LRCH3: variants seen among roughly 807,000 people sequenced by gnomAD.
LRCH3 encodes leucine rich repeats and calponin homology domain containing 3.
In LRCH3, 68 loss-of-function variants were observed where a neutral mutation model predicts 104.5. The observed-to-expected ratio is 0.65, with a 90% CI of 0.54 to 0.80. The LOEUF (loss-of-function observed/expected upper bound fraction) is 0.80, where lower values mean the gene tolerates loss of function less well. Ranked by LOEUF, LRCH3 falls within the 30% of genes least tolerant of loss-of-function variation. The pLI, the probability that LRCH3 is intolerant of heterozygous loss-of-function variation, is 0.00. For synonymous variants in LRCH3, 344 were observed against 361.3 expected (o/e 0.95, Z 0.54); for missense variants, 951 against 953.9 (o/e 1.00, Z 0.04).
At chr3:197,879,574 AG>A (rs1165448649) in intron 20 of LRCH3, among the ~76,000 whole-genome samples, 30 of 151,896 alleles carry the variant, frequency 2.0e-4, no homozygotes, top group Non-Finnish European at 7.4e-5. Context: ...GGAACCCGGG[AG>A]GCGGAGCTTG....
rs545639942 is a variant in LRCH3, at chr3:197,835,572, C to T, written c.1103-102C>T. ...CCCTCCCACTTTCAAAATAGAAAATCATGGGGAAAAGGAAATAAGTAAATG... is the reference window on the plus strand; with the variant it reads ...CCCTCCCACTTTCAAAATAGAAAATTATGGGGAAAAGGAAATAAGTAAATG... On this transcript the variant is annotated intron_variant, in intron 8 of 20. Transcript: ENST00000425562. The T allele has an allele frequency of 8.9e-6, 11 of 1,233,760 alleles. No homozygotes were observed. In the Admixed American group the frequency reaches 2.6e-4, roughly 29 times the overall value. 76.4% of individuals were successfully genotyped at this position (1,233,760 alleles called of 1,614,324 possible).
intron 20 of LRCH3, among the ~76,000 whole-genome samples, chr3:197,878,455 GA>G (rs1026683839): frequency 4.3e-4 from 65 of 149,848 alleles, no homozygotes; most frequent in Non-Finnish European, 6.4e-4. Context: ...CAAGTACGAA[GA>G]AAAAAAAAAT....
At position 197,879,947 on chromosome 3, in the gene LRCH3, AT is replaced by A. The variant is rs1327149985; in HGVS notation, c.2209-3578del. On this transcript the variant is annotated intron_variant, in intron 20 of 20. Coordinates refer to ENST00000425562, the MANE Select transcript of LRCH3 (RefSeq NM_001365715.1). ...ACCAACATCCACTTCTGTGTATTGT[AT>A]TTTTTTTTTTTTTTTGAGACGGAGT... is the stretch of plus-strand genomic sequence containing the variant. Among the ~76,000 whole-genome samples, 1,136 of 123,234 alleles carry A rather than the reference AT, an allele frequency of 9.2e-3. 6 individuals carry two copies. Among genetic ancestry groups the A allele is most frequent in the Non-Finnish European group, 0.011 (644 of 59,460 alleles). 80.8% of individuals were successfully genotyped at this position (123,234 alleles called of 152,430 possible).
rs547459874 is a variant in LRCH3, at chr3:197,804,934, G to A, written c.263-9974G>A. On this transcript the variant is annotated intron_variant, in intron 1 of 20. Coordinates refer to ENST00000425562, the MANE Select transcript of LRCH3 (RefSeq NM_001365715.1). ...TTTTGAGACAGAGTCTCACTCTGTC[G>A]CCTAGGCTGGAGTGCAGTGGTGTGA... is the stretch of plus-strand genomic sequence containing the variant. Among the ~76,000 whole-genome samples the A allele has an allele frequency of 5.4e-4, 80 of 148,404 alleles. 1 individual carries two copies. The Middle Eastern group carries it at 0.014, about 26-fold the overall frequency.
At chr3:197,845,101 G>A (rs1738455341) in intron 10 of LRCH3, among the ~76,000 whole-genome samples, 1 of 152,084 alleles carries the variant, frequency 6.6e-6, no homozygotes, top group African/African-American at 2.4e-5. Context: ...GGGTTTGACT[G>A]GCTTTTTAGA....
intron 7 of LRCH3, 22 bp downstream of exon 7, chr3:197,830,885 T>C (rs1456744946): frequency 2.6e-6 from 4 of 1,556,188 alleles, no homozygotes; most frequent in Non-Finnish European, 3.5e-6. Context: ...TTATGTTCCG[T>C]GTGTTATAAC....
intron 9 of LRCH3, among the ~76,000 whole-genome samples, chr3:197,838,060 CAAA>C (rs35208899): frequency 2.0e-4 from 28 of 142,810 alleles, no homozygotes; most frequent in Non-Finnish European, 3.4e-4. Context: ...ATTCTGTATC[CAAA>C]AAAAAAAAAC....
chr3:197,792,651 AT>A (rs1316063536), intron 1 of LRCH3, among the ~76,000 whole-genome samples: 2 of 118,628 alleles, frequency 1.7e-5, no homozygotes, highest in Non-Finnish European at 3.4e-5. Flanking sequence ...TATATATAAA[AT>A]ATATATATAT....
At chr3:197,846,891 G>C (rs1580786450) in intron 10 of LRCH3, among the ~76,000 whole-genome samples, 1 of 151,548 alleles carries the variant, frequency 6.6e-6, no homozygotes, top group Non-Finnish European at 1.5e-5. Context: ...GTTTTTTTAA[G>C]CATTAAAAAG....
chr3:197,850,186 C>A (rs1226152893), intron 12 of LRCH3, among the ~76,000 whole-genome samples: 1 of 151,798 alleles, frequency 6.6e-6, no homozygotes, highest in African/African-American at 2.4e-5. Context: ...CACCAGCTGG[C>A]CTGGAGAGTT....
rs940038518 is a variant in LRCH3 at position 197,887,275 on chromosome 3, T to A, written c.*3609T>A. ...AGCTTTGCTTGACTCCAGTGTAAGA[T>A]GAAGATGACCTTGTCACAGCTCCCC... On this transcript the variant is annotated 3_prime_UTR_variant, in exon 21 of 21. Coordinates refer to ENST00000425562, the MANE Select transcript of LRCH3 (RefSeq NM_001365715.1). 5 of 152,506 alleles carry A rather than the reference T, an allele frequency of 3.3e-5. No individual in the cohort carries two copies. The highest frequency in any genetic ancestry group is 1.2e-4 in the African/African-American group (5 of 41,462). 9.4% of individuals were successfully genotyped at this position (152,506 alleles called of 1,614,324 possible).
chr3:197,864,709 CTTTT>C (rs11367873), intron 15 of LRCH3, among the ~76,000 whole-genome samples: 1 of 132,958 alleles, frequency 7.5e-6, no homozygotes. Context: ...TCTTCTTCTT[CTTTT>C]TTTTTTTTTT....
At chr3:197,811,721 A>G (rs973732929) in intron 1 of LRCH3, among the ~76,000 whole-genome samples, 1 of 152,224 alleles carries the variant, frequency 6.6e-6, no homozygotes, top group African/African-American at 2.4e-5. Flanking sequence ...ACATAGCCAA[A>G]TAGAATGAAA....
chr3:197,792,065 G>A (rs1428897885), intron 1 of LRCH3, among the ~76,000 whole-genome samples: 1 of 151,998 alleles, frequency 6.6e-6, no homozygotes, highest in Non-Finnish European at 1.5e-5. Context: ...TGTGTTTAAA[G>A]TGAACCCGAG....
chr3:197,815,916 C>G (rs570994004), intron 2 of LRCH3, among the ~76,000 whole-genome samples: 1 of 152,194 alleles, frequency 6.6e-6, no homozygotes, highest in African/African-American at 2.4e-5. Flanking sequence ...GGCTTTTAGT[C>G]AAATTTTTAA....
At chr3:197,859,160 G>A (rs984619708) in intron 15 of LRCH3, 1 of 445,094 alleles carries the variant, frequency 2.2e-6, no homozygotes, top group African/African-American at 2.0e-5. Context: ...TTTTATCAAA[G>A]GTGTTTTTCT....
intron 10 of LRCH3, among the ~76,000 whole-genome samples, chr3:197,839,986 A>G (rs544737929): frequency 6.6e-6 from 1 of 151,900 alleles, no homozygotes; most frequent in South Asian, 2.1e-4. Flanking sequence ...AAAAAAAAAA[A>G]TACAAAATAC....
At position 197,809,718 on chromosome 3, in the gene LRCH3, T is replaced by C. The variant is rs547728484; in HGVS notation, c.263-5190T>C. On this transcript the variant is annotated intron_variant, in intron 1 of 20. Transcript: ENST00000425562. ...GAACCCATCCATTGAGCTTTTTCTG[T>C]GTGTTTGTTTGTTTCCCCTTCATAT... Among the ~76,000 whole-genome samples, 18 of 152,188 alleles carry C rather than the reference T, an allele frequency of 1.2e-4. No homozygotes were observed. The South Asian group carries it at 1.5e-3, about 12-fold the overall frequency.
chr3:197,797,739 A>G (rs989203553), intron 1 of LRCH3, among the ~76,000 whole-genome samples: 1 of 151,942 alleles, frequency 6.6e-6, no homozygotes, highest in Admixed American at 6.6e-5. Context: ...GCAGGCGCCT[A>G]TAATCCCAGC....
Sources: gnomAD v4.1 joint callset for allele counts (sites outside exome capture counted in the v4.1 genomes callset) on GRCh38, gnomAD v4.1.1 for gene constraint, MANE v1.5 for transcripts, NCBI Gene and HGNC (gene_info 2026-07-23, HGNC 2026-07-21) for gene names.